USP18: variants seen among roughly 807,000 people sequenced by gnomAD.
USP18 encodes ubiquitin specific peptidase 18, also known as ubl carboxyl-terminal hydrolase 18.
Under a neutral mutation model 48.7 loss-of-function variants are expected in USP18, and 11 were observed. The ratio of observed to expected loss-of-function variants is 0.23; its 90% CI spans 0.14 to 0.37. The LOEUF (loss-of-function observed/expected upper bound fraction) is 0.37, where lower values mean the gene tolerates loss of function less well. USP18 is among the 10% of genes least tolerant of loss of function. The pLI is 1.00. For missense variants in USP18, 285 were observed against 436.4 expected (o/e 0.65, Z 3.09); for synonymous variants, 114 against 163.2 (o/e 0.70, Z 2.30).
At chr22:18,156,009 A>G (rs361784) in intron 1 of USP18, among the ~76,000 whole-genome samples, 32,436 of 152,146 alleles carry the variant, frequency 0.21, 4,485 homozygotes, top group East Asian at 0.64. Flanking sequence ...TAAATATACC[A>G]ATCGGCACTC....
At chr22:18,159,058 T>TTGTGTG (rs776585772) in intron 2 of USP18, among the ~76,000 whole-genome samples, 1 of 151,832 alleles carries the variant, frequency 6.6e-6, no homozygotes, top group Non-Finnish European at 1.5e-5. Flanking sequence ...ATCGAACTTT[T>TTGTGTG]TGTGTGTGTG....
intron 1 of USP18, among the ~76,000 whole-genome samples, chr22:18,151,332 T>G (rs1242083622): frequency 6.6e-6 from 1 of 152,234 alleles, no homozygotes; most frequent in Admixed American, 6.5e-5. Context: ...TTTGTACTTA[T>G]TTAGGTATAA....
intron 1 of USP18, among the ~76,000 whole-genome samples, chr22:18,151,729 G>A (rs539273755): frequency 6.6e-6 from 1 of 151,852 alleles, no homozygotes; most frequent in Admixed American, 6.6e-5. Flanking sequence ...GTTGTAATCC[G>A]TGTGTTCTAA....
At chr22:18,156,016 A>C (rs1929126557) in intron 1 of USP18, among the ~76,000 whole-genome samples, 1 of 152,142 alleles carries the variant, frequency 6.6e-6, no homozygotes, top group African/African-American at 2.4e-5. Flanking sequence ...ACCAATCGGC[A>C]CTCTGTATCT....
rs141719836 is a variant in USP18, at chr22:18,173,533, T to C, written c.1023+252T>C. 2.0e-5 allele frequency among the ~76,000 whole-genome samples: 3 copies of C among 152,304 alleles called. No individual in the cohort carries two copies. The East Asian group carries it at 5.8e-4, about 29-fold the overall frequency. On this transcript the variant is annotated intron_variant, in intron 9 of 10. Transcript: ENST00000215794. The stretch of plus-strand genomic sequence containing the variant: ...GCTCATGCTCTGCAGCTTCCTGCTT[T>C]GTGGGAAATGTCTAGAGAGCAACGA...
At chr22:18,153,921 C>T (rs1929063582) in intron 1 of USP18, among the ~76,000 whole-genome samples, 1 of 151,820 alleles carries the variant, frequency 6.6e-6, no homozygotes, top group Admixed American at 6.6e-5. Flanking sequence ...GAATAACATC[C>T]CATTTTGTGT....
At chr22:18,174,213 GTTTTCTTTTC>G (rs897321034) in intron 10 of USP18, among the ~76,000 whole-genome samples, 6 of 148,260 alleles carry the variant, frequency 4.0e-5, no homozygotes, top group East Asian at 2.0e-4. Flanking sequence ...TTCTTGTATG[GTTTTCTTTTC>G]TTTTCTTTTC....
chr22:18,157,508 A>T, intron 1 of USP18, 50 bp from the exon 2 acceptor site: 1 of 943,676 alleles, frequency 1.1e-6, no homozygotes, highest in Non-Finnish European at 1.6e-6. Context: ...TTACATGAAT[A>T]CACATTCCTC....
At chr22:18,150,462 T>G (rs899296805) in intron 1 of USP18, among the ~76,000 whole-genome samples, 1 of 152,224 alleles carries the variant, frequency 6.6e-6, no homozygotes, top group Admixed American at 6.5e-5. Flanking sequence ...ATTGCAGAAG[T>G]GTTGTAAGCT....
At chr22:18,170,696 T>G (rs1235177449) in intron 7 of USP18, 57 bp from the exon 8 acceptor site, 10 of 1,598,002 alleles carry the variant, frequency 6.3e-6, no homozygotes, top group Admixed American at 3.4e-5. Flanking sequence ...CCCTGACATT[T>G]CTCTGACTCT....
intron 2 of USP18, 85 bp downstream of exon 2, chr22:18,157,905 G>C (rs1929215963): frequency 1.3e-6 from 2 of 1,542,862 alleles, no homozygotes; most frequent in African/African-American, 1.4e-5. Flanking sequence ...GCAGAGCTTT[G>C]TATTCGACGG....
chr22:18,173,764 G>A, intron 9 of USP18, 29 bp from the exon 10 acceptor site: 1 of 1,606,118 alleles, frequency 6.2e-7, no homozygotes, highest in Non-Finnish European at 8.5e-7. Context: ...TCAGCTGGCT[G>A]CTTGACCCCA....
chr22:18,161,345 C>A (rs1222693717), intron 3 of USP18, among the ~76,000 whole-genome samples: 1 of 112,408 alleles, frequency 8.9e-6, no homozygotes, highest in African/African-American at 3.6e-5. Flanking sequence ...ACCACACGGA[C>A]AGCCTTTCAT....
intron 8 of USP18, among the ~76,000 whole-genome samples, chr22:18,171,730 G>A (rs181935350): frequency 5.3e-5 from 8 of 151,916 alleles, no homozygotes; most frequent in East Asian, 1.9e-4. Context: ...CTGTATGTAC[G>A]GGTCTATTTT....
intron 2 of USP18, among the ~76,000 whole-genome samples, chr22:18,159,493 TG>T (rs1450400071): frequency 6.8e-6 from 1 of 146,782 alleles, no homozygotes; most frequent in Non-Finnish European, 1.5e-5. Flanking sequence ...ATTAGATTTT[TG>T]TCAACTTTTT....
intron 1 of USP18, among the ~76,000 whole-genome samples, chr22:18,151,535 G>C (rs1452040738): frequency 1.3e-5 from 2 of 152,104 alleles, no homozygotes; most frequent in Non-Finnish European, 2.9e-5. Context: ...CTTGCTTTTG[G>C]ACTGTTAAAA....
intron 4 of USP18, among the ~76,000 whole-genome samples, chr22:18,163,435 C>A (rs776684565): frequency 7.9e-5 from 12 of 151,838 alleles, no homozygotes; most frequent in Non-Finnish European, 1.6e-4. Context: ...TGAGGTCAGG[C>A]GATGGAGACC....
chr22:18,175,809 TA>T (rs1225837250), intron 10 of USP18, among the ~76,000 whole-genome samples: 1 of 149,442 alleles, frequency 6.7e-6, no homozygotes, highest in Non-Finnish European at 1.5e-5. Context: ...ACTCCATCTC[TA>T]CAAAAAAATA....
At chr22:18,153,195 G>A (rs1162978356) in intron 1 of USP18, among the ~76,000 whole-genome samples, 4 of 152,108 alleles carry the variant, frequency 2.6e-5, no homozygotes, top group South Asian at 2.1e-4. Context: ...TTGGGAGGCC[G>A]AGATGGGTGG....
Sources: allele counts gnomAD v4.1 joint callset (sites outside exome capture counted in the v4.1 genomes callset), GRCh38; gene constraint gnomAD v4.1.1; transcripts MANE v1.5; gene names NCBI Gene and HGNC (gene_info 2026-07-23, HGNC 2026-07-21).